RPTOR: variants seen among roughly 807,000 people sequenced by gnomAD.
The protein encoded by RPTOR is regulatory-associated protein of mTOR.
A neutral mutation model predicts 169.9 loss-of-function variants in RPTOR; 21 were observed. That is an observed-to-expected ratio of 0.12 (90% confidence interval 0.09 to 0.18). The LOEUF (loss-of-function observed/expected upper bound fraction) is 0.18. Ranked by LOEUF, RPTOR falls within the 10% of genes least tolerant of loss-of-function variation. The pLI is 1.00. For synonymous variants in RPTOR, 732 were observed against 753.2 expected (o/e 0.97, Z 0.46); for missense variants, 1,133 against 1,855.9 (o/e 0.61, Z 7.16).
rs772940410 is a variant in RPTOR, at chr17:80,957,665, C to A, written c.3412C>A (p.Leu1138Ile). The change falls in exon 29 of 34, where the codon CTC becomes ATC. Residue 1138 changes from leucine to isoleucine, a missense_variant. By Grantham distance (5) the Leu-to-Ile change is conservative. Transcript: ENST00000306801. The surrounding 1 kb of genome is among the most constrained non-coding windows in gnomAD (Gnocchi z 4.6). ...GGACTGGGAGCAGGAGACCGGCCTC[C>A]TCATGAGCTCAGGAGACGTGCGGAT... The part of the protein sequence containing the change: ...VVDWEQETGL[L>I]MSSGDVRIVR... 1.2e-6 allele frequency: 2 copies of A among 1,614,176 alleles called. No homozygotes were observed. The highest frequency in any genetic ancestry group is 1.7e-6 in the Non-Finnish European group (2 of 1,180,038).
chr17:80,781,303 C>T (rs2066939610), intron 6 of RPTOR, among the ~76,000 whole-genome samples: 1 of 152,088 alleles, frequency 6.6e-6, no homozygotes, highest in African/African-American at 2.4e-5. Flanking sequence ...TTTAAATTGG[C>T]AAATAGAATC....
intron 10 of RPTOR, among the ~76,000 whole-genome samples, chr17:80,839,307 A>G (rs1273371810): frequency 6.6e-6 from 1 of 152,062 alleles, no homozygotes; most frequent in Non-Finnish European, 1.5e-5. Flanking sequence ...TTACCCTCCC[A>G]TTATTGCTTG....
chr17:80,618,361 G>A (rs568565006), intron 1 of RPTOR, among the ~76,000 whole-genome samples: 10 of 150,256 alleles, frequency 6.7e-5, no homozygotes, highest in African/African-American at 1.0e-4. Context: ...GAGCTATAAC[G>A]ATTCCTTTTA....
At chr17:80,961,890 C>T (rs2069347567) in intron 31 of RPTOR, among the ~76,000 whole-genome samples, 1 of 152,204 alleles carries the variant, frequency 6.6e-6, no homozygotes, top group South Asian at 2.1e-4. Flanking sequence ...ATTTATTTGC[C>T]TATTAAAGGA....
chr17:80,806,907 T>G (rs1434354176), intron 7 of RPTOR, among the ~76,000 whole-genome samples: 1 of 152,264 alleles, frequency 6.6e-6, no homozygotes, highest in Non-Finnish European at 1.5e-5. Flanking sequence ...TACTTTAAAT[T>G]AAAAACTCAT....
chr17:80,638,925 A>T (rs1366850872), intron 2 of RPTOR, among the ~76,000 whole-genome samples: 1 of 152,194 alleles, frequency 6.6e-6, no homozygotes, highest in Non-Finnish European at 1.5e-5. Flanking sequence ...TCGCTCCTGT[A>T]CGGCTCCCGT....
intron 6 of RPTOR, among the ~76,000 whole-genome samples, chr17:80,777,704 G>A (rs556542708): frequency 6.6e-6 from 1 of 152,182 alleles, no homozygotes; most frequent in African/African-American, 2.4e-5. Flanking sequence ...TGACGCCTGC[G>A]CCGACTCCAG....
At chr17:80,763,613 T>A (rs1036063923) in intron 6 of RPTOR, among the ~76,000 whole-genome samples, 1 of 152,162 alleles carries the variant, frequency 6.6e-6, no homozygotes, top group Admixed American at 6.5e-5. Flanking sequence ...CCGAATTAAT[T>A]AGCCAGACCT....
At chr17:80,922,699 C>T (rs1328886113) in intron 21 of RPTOR, 25 bp from the exon 22 acceptor site, 1 of 1,550,188 alleles carries the variant, frequency 6.5e-7, no homozygotes, top group Non-Finnish European at 8.7e-7. Context: ...GTCTGACCTT[C>T]ACACCCCCAT....
intron 10 of RPTOR, among the ~76,000 whole-genome samples, chr17:80,841,157 G>T (rs796302254): frequency 3.2e-5 from 2 of 62,420 alleles, no homozygotes; most frequent in African/African-American, 6.4e-5. Flanking sequence ...CTCACCGCAC[G>T]GCAGCTCACT....
intron 6 of RPTOR, among the ~76,000 whole-genome samples, chr17:80,770,186 G>A (rs2066828334): frequency 6.6e-6 from 1 of 152,216 alleles, no homozygotes; most frequent in African/African-American, 2.4e-5. Flanking sequence ...AAGGCAGAAG[G>A]CAGCAGAGGC....
chr17:80,633,013 G>A lies in RPTOR; in HGVS notation c.265+7220G>A, dbSNP rs1324538312. Among the ~76,000 whole-genome samples, 3 of 152,022 alleles carry A rather than the reference G, an allele frequency of 2.0e-5. No homozygotes were observed. The highest frequency in any genetic ancestry group is 4.4e-5 in the Non-Finnish European group (3 of 67,992). On this transcript the variant is annotated intron_variant, in intron 2 of 33. Transcript: ENST00000306801. This position sits in a 1 kb window ranked among gnomAD's most constrained non-coding sequence, Gnocchi z 4.1. ...GGGTCTCACTTTGTTGCTCAGGCTG[G>A]TCTCGAACTCCTGGGCTCAAGTGAT...
intron 13 of RPTOR, among the ~76,000 whole-genome samples, chr17:80,876,677 T>C (rs2068119245): frequency 8.1e-6 from 1 of 122,824 alleles, no homozygotes; most frequent in Non-Finnish European, 1.7e-5. Context: ...GTGTGTCGCC[T>C]GCCGGGTCTT....
rs1273077666 is a variant in RPTOR, at chr17:80,844,960, A to C, written c.1213-1513A>C. Among the ~76,000 whole-genome samples, 1 of 150,528 alleles carries C rather than the reference A, an allele frequency of 6.6e-6. No individual in the cohort carries two copies. The highest frequency in any genetic ancestry group is 2.5e-5 in the African/African-American group (1 of 40,578). On this transcript the variant is annotated intron_variant, in intron 10 of 33. Transcript: ENST00000306801. The surrounding 1 kb of genome is among the most constrained non-coding windows in gnomAD (Gnocchi z 4.7). ...GGGAAGAGAGGATAGTGGATGGGAGAGAGAGGCTGGTAGTTGTTTTTTTTT... is the reference window on the plus strand; with the variant it reads ...GGGAAGAGAGGATAGTGGATGGGAGCGAGAGGCTGGTAGTTGTTTTTTTTT...
At chr17:80,822,443 A>G (rs1171281610) in intron 8 of RPTOR, 142 bp downstream of exon 8, 17 of 809,360 alleles carry the variant, frequency 2.1e-5, no homozygotes, top group Non-Finnish European at 3.3e-5. Context: ...GAAAAGTAGA[A>G]GGCGACCACC....
At chr17:80,824,638 C>T (rs1205313271) in intron 9 of RPTOR, among the ~76,000 whole-genome samples, 1 of 152,160 alleles carries the variant, frequency 6.6e-6, no homozygotes. Context: ...AGTGCCACAT[C>T]AGATCCTGGA....
At chr17:80,950,170 T>C (rs2069155990) in intron 28 of RPTOR, among the ~76,000 whole-genome samples, 1 of 152,200 alleles carries the variant, frequency 6.6e-6, no homozygotes, top group Non-Finnish European at 1.5e-5. Flanking sequence ...CAGAGGCCCC[T>C]CTGCAGCACC....
chr17:80,684,827 A>G (rs2065924637), intron 3 of RPTOR, among the ~76,000 whole-genome samples: 1 of 152,086 alleles, frequency 6.6e-6, no homozygotes, highest in Non-Finnish European at 1.5e-5. Context: ...TTGCCACTAC[A>G]CAGCGTGTCC....
chr17:80,893,586 T>C (rs1487767557), intron 19 of RPTOR, 121 bp from the exon 20 acceptor site: 28 of 1,311,914 alleles, frequency 2.1e-5, no homozygotes, highest in Non-Finnish European at 2.8e-5. Flanking sequence ...CAGGGTGTGT[T>C]TGTGCCTGGG....
Sources: allele counts gnomAD v4.1 joint callset (sites outside exome capture counted in the v4.1 genomes callset), GRCh38; gene constraint gnomAD v4.1.1; non-coding constraint Gnocchi (gnomAD v3.1); transcripts MANE v1.5; gene names NCBI Gene and HGNC (gene_info 2026-07-23, HGNC 2026-07-21).